The following IMPG1 variants were observed in gnomAD, a reference collection of about 807,000 sequenced individuals.
The protein encoded by IMPG1 is interphotoreceptor matrix proteoglycan of 150 kDa.
A neutral mutation model predicts 92.0 loss-of-function variants in IMPG1; 85 were observed. The ratio of observed to expected loss-of-function variants is 0.92; its 90% CI spans 0.78 to 1.11. The LOEUF (loss-of-function observed/expected upper bound fraction) is 1.11. Ranked by LOEUF, IMPG1 falls within the 50% of genes least tolerant of loss-of-function variation. The pLI is 0.00. For missense variants in IMPG1, 1,022 were observed against 956.0 expected, an observed-to-expected ratio of 1.07 and a Z score of -0.91; for synonymous variants, 367 against 334.1, an observed-to-expected ratio of 1.10 and a Z score of -1.08.
At position 75,922,168 on chromosome 6, in the gene IMPG1, TGAAAGA is replaced by T. The variant is rs1385361851; in HGVS notation, c.2317-8_2317-3del. The T allele has an allele frequency of 1.6e-6, 2 of 1,254,514 alleles. No homozygotes were observed. The highest frequency in any genetic ancestry group is 2.9e-5 in the African/African-American group (2 of 68,074). 77.7% of individuals were successfully genotyped at this position (1,254,514 alleles called of 1,614,324 possible). ...TTCAGAATTTCTTTTACTGATTACC[TGAAAGA>T]GAAATAGTTTTAAGAACTTAAGAAA... On this transcript the variant is annotated splice_region_variant and splice_polypyrimidine_tract_variant and intron_variant, in intron 16 of 16. Transcript: ENST00000369950.
At chr6:75,923,845 T>C (rs1015314466) in intron 15 of IMPG1, 139 bp from the exon 16 acceptor site, 24 of 569,442 alleles carry the variant, frequency 4.2e-5, no homozygotes, top group South Asian at 1.4e-4. Flanking sequence ...GTCTTCCGTT[T>C]GAGTTGGAAG....
intron 12 of IMPG1, among the ~76,000 whole-genome samples, chr6:75,993,929 C>G (rs946197301): frequency 6.6e-6 from 1 of 152,152 alleles, no homozygotes; most frequent in African/African-American, 2.4e-5. Flanking sequence ...GAAACAGAAC[C>G]AAGCCAGCTT....
intron 12 of IMPG1, among the ~76,000 whole-genome samples, chr6:75,990,900 T>C (rs1201222650): frequency 6.6e-6 from 1 of 152,202 alleles, no homozygotes; most frequent in Non-Finnish European, 1.5e-5. Flanking sequence ...ATTTCTACCT[T>C]AGGACTTCGA....
intron 5 of IMPG1, 35 bp from the exon 6 acceptor site, chr6:76,022,254 G>T: frequency 1.7e-6 from 2 of 1,151,548 alleles, no homozygotes; most frequent in East Asian, 2.6e-5. Context: ...ACACAAAAAT[G>T]AGAATGGAGG....
chr6:75,987,900 G>A (rs2149472116), intron 12 of IMPG1, among the ~76,000 whole-genome samples: 1 of 152,196 alleles, frequency 6.6e-6, no homozygotes, highest in Admixed American at 6.5e-5. Context: ...ACCCACCTCG[G>A]CCTCCCAAAG....
At chr6:76,031,754 T>C (rs1420428766) in intron 4 of IMPG1, among the ~76,000 whole-genome samples, 1 of 152,214 alleles carries the variant, frequency 6.6e-6, no homozygotes, top group Non-Finnish European at 1.5e-5. Context: ...TCCTTCCCTG[T>C]CTTGCTGTAA....
intron 4 of IMPG1, among the ~76,000 whole-genome samples, chr6:76,031,165 G>C (rs1409683043): frequency 6.6e-6 from 1 of 152,204 alleles, no homozygotes; most frequent in African/African-American, 2.4e-5. Context: ...AACAGTGGTA[G>C]TAATATCTTC....
rs1404804106 is a variant in IMPG1, at chr6:75,999,966, C to T, written c.1291+2952G>A. 2.0e-5 allele frequency among the ~76,000 whole-genome samples: 3 copies of T among 152,168 alleles called. No homozygotes were observed. The East Asian group carries it at 5.8e-4, about 29-fold the overall frequency. On this transcript the variant is annotated intron_variant, in intron 12 of 16. Transcript: ENST00000369950. ...ATTCATTGCACATGTCCAGGGAGGGCCTTAAAGGAAACACTTGACACTGGT... is the reference window on the plus strand; with the variant it reads ...ATTCATTGCACATGTCCAGGGAGGGTCTTAAAGGAAACACTTGACACTGGT...
chr6:76,017,426 T>A (rs1245052100), intron 7 of IMPG1, among the ~76,000 whole-genome samples: 1 of 152,202 alleles, frequency 6.6e-6, no homozygotes, highest in Admixed American at 6.5e-5. Flanking sequence ...AAATATTGTG[T>A]CTTTAAATTG....
intron 2 of IMPG1, among the ~76,000 whole-genome samples, chr6:76,037,085 A>C (rs1783753169): frequency 6.6e-6 from 1 of 152,188 alleles, no homozygotes; most frequent in African/African-American, 2.4e-5. Context: ...ACACCATCTG[A>C]CTTACTGAAG....
intron 7 of IMPG1, among the ~76,000 whole-genome samples, chr6:76,014,043 G>C: frequency 6.6e-6 from 1 of 152,150 alleles, no homozygotes; most frequent in Non-Finnish European, 1.5e-5. Flanking sequence ...GTACGGGATG[G>C]GGTTTAAATA....
intron 15 of IMPG1, among the ~76,000 whole-genome samples, chr6:75,929,555 G>A (rs1221890408): frequency 7.8e-6 from 1 of 128,730 alleles, no homozygotes; most frequent in South Asian, 3.1e-4. Flanking sequence ...GTTGTGGGGT[G>A]GGGGGAGGGG....
At chr6:75,983,497 A>G (rs987005959) in intron 12 of IMPG1, among the ~76,000 whole-genome samples, 1 of 152,182 alleles carries the variant, frequency 6.6e-6, no homozygotes, top group African/African-American at 2.4e-5. Flanking sequence ...TCTTCAATAA[A>G]TGGTTTGGGA....
At chr6:76,030,906 C>A (rs1048860838) in intron 4 of IMPG1, among the ~76,000 whole-genome samples, 10 of 152,138 alleles carry the variant, frequency 6.6e-5, no homozygotes, top group Admixed American at 6.5e-4. Context: ...TGGGGTAGAG[C>A]CTCTGGAAGT....
At chr6:76,029,785 C>A (rs1018647105) in intron 4 of IMPG1, among the ~76,000 whole-genome samples, 1 of 152,130 alleles carries the variant, frequency 6.6e-6, no homozygotes, top group African/African-American at 2.4e-5. Context: ...AAGCACCATG[C>A]ACCTAAATTC....
intron 11 of IMPG1, 152 bp downstream of exon 11, chr6:76,003,722 T>C: frequency 1.7e-6 from 1 of 599,516 alleles, no homozygotes; most frequent in South Asian, 2.1e-5. Context: ...TGAAAGTGGG[T>C]TAAGCAAGTG....
chr6:76,018,903 C>T (rs1025700095), intron 6 of IMPG1, 45 bp from the exon 7 acceptor site: 2 of 1,504,172 alleles, frequency 1.3e-6, no homozygotes, highest in African/African-American at 2.8e-5. Context: ...ACCTAAACCA[C>T]AAATAAATGG....
At chr6:76,059,600 C>G (rs1428978795) in intron 1 of IMPG1, among the ~76,000 whole-genome samples, 2 of 152,024 alleles carry the variant, frequency 1.3e-5, no homozygotes, top group Non-Finnish European at 2.9e-5. Flanking sequence ...ACTAAGTCCT[C>G]TCATCATATT....
chr6:75,983,338 A>G (rs776831040), intron 12 of IMPG1, among the ~76,000 whole-genome samples: 1 of 152,152 alleles, frequency 6.6e-6, no homozygotes, highest in Non-Finnish European at 1.5e-5. Context: ...TATTTGTGCT[A>G]TAGTAATCAA....
Sources: allele counts gnomAD v4.1 joint callset (sites outside exome capture counted in the v4.1 genomes callset), GRCh38; gene constraint gnomAD v4.1.1; transcripts MANE v1.5; gene names NCBI Gene and HGNC (gene_info 2026-07-23, HGNC 2026-07-21).